Variants in GLS observed in about 807,000 individuals in gnomAD.
GLS encodes glutaminase, also known as glutaminase kidney isoform, mitochondrial.
Under a neutral mutation model 86.7 loss-of-function variants are expected in GLS, and 36 were observed. The observed-to-expected ratio is 0.42, with a 90% CI of 0.32 to 0.55. The LOEUF (loss-of-function observed/expected upper bound fraction) is 0.55. GLS is among the 20% of genes least tolerant of loss of function. The pLI, the probability that GLS is intolerant of heterozygous loss-of-function variation, is 0.17. For missense variants in GLS, 528 were observed against 833.4 expected (o/e 0.63, Z 4.51); for synonymous variants, 317 against 305.9 (o/e 1.04, Z -0.38).
intron 14 of GLS, chr2:190,934,358 G>C (rs1307233095): frequency 5.2e-6 from 5 of 960,726 alleles, no homozygotes; most frequent in Non-Finnish European, 2.5e-6. Context: ...AGAGGTGCTG[G>C]CCAAAAAGCC....
rs180996240 is a variant in GLS at position 190,962,049 on chromosome 2, C to A, written c.1854-781C>A. ...ACTACCCATCGTACCCTGTCATTGA[C>A]TAGGGCTGTGAGTTATGTAGTTCTG... On this transcript the variant is annotated intron_variant, in intron 17 of 17. Coordinates refer to ENST00000320717, the MANE Select transcript of GLS (RefSeq NM_014905.5). This position sits in a 1 kb window ranked among gnomAD's most constrained non-coding sequence, Gnocchi z 4.2. Among the ~76,000 whole-genome samples, 1 of 152,352 alleles carries A rather than the reference C, an allele frequency of 6.6e-6. No individual in the cohort carries two copies. Among genetic ancestry groups the A allele is most frequent in the African/African-American group, 2.4e-5 (1 of 41,590 alleles).
At position 190,962,717 on chromosome 2, in the gene GLS, TAA is replaced by T; in HGVS notation, c.1854-110_1854-109del. The T allele has an allele frequency of 1.8e-6, 1 of 550,908 alleles. No individual in the cohort carries two copies. Among genetic ancestry groups the T allele is most frequent in the Non-Finnish European group, 2.9e-6 (1 of 339,124 alleles). The allele number at this position is 550,908 out of a possible 1,614,324, so 34.1% of individuals were successfully genotyped here. A position where few individuals can be genotyped will look rare whatever the true frequency, so the allele number is the denominator to read the frequency against. ...TATTAATTTTTATTTGTAAAATTGCTAAAATAGCTAAATTTGGCCATTTAACC... is the reference window on the plus strand; with the variant it reads ...TATTAATTTTTATTTGTAAAATTGCTAATAGCTAAATTTGGCCATTTAACC... On this transcript the variant is annotated intron_variant, in intron 17 of 17. Coordinates refer to ENST00000320717, the MANE Select transcript of GLS (RefSeq NM_014905.5). This position sits in a 1 kb window ranked among gnomAD's most constrained non-coding sequence, Gnocchi z 4.2.
rs185646917 is a variant in GLS, at chr2:190,908,285, C to T, written c.980-1978C>T. ...ATTGGAAATCCTTTTTAATATTTTT[C>T]GTTCTTTAGTATATGTATTAGCAAA... On this transcript the variant is annotated intron_variant, in intron 6 of 17. Coordinates refer to ENST00000320717, the MANE Select transcript of GLS (RefSeq NM_014905.5). Among the ~76,000 whole-genome samples the T allele has an allele frequency of 4.9e-3, 749 of 152,124 alleles. 9 individuals are homozygous for T. Among genetic ancestry groups the T allele is most frequent in the African/African-American group, 0.017 (712 of 41,504 alleles).
chr2:190,935,211 C>G lies in GLS; in HGVS notation c.1650+3574C>G. The G allele has an allele frequency of 1.2e-6, 1 of 851,720 alleles. No individual in the cohort carries two copies. Among genetic ancestry groups the G allele is most frequent in the South Asian group, 5.4e-5 (1 of 18,556 alleles). 52.8% of individuals were successfully genotyped at this position (851,720 alleles called of 1,614,324 possible). On this transcript the variant is annotated intron_variant, in intron 14 of 17. Coordinates refer to ENST00000320717, the MANE Select transcript of GLS (RefSeq NM_014905.5). This position sits in a 1 kb window ranked among gnomAD's most constrained non-coding sequence, Gnocchi z 4.2. Reference sequence around the variant, plus strand: ...ATTTGTGTTGTTTAGCTTTCATTTGCTTTGTATATTTAATAATGTACCTTT... The same window carrying G: ...ATTTGTGTTGTTTAGCTTTCATTTGGTTTGTATATTTAATAATGTACCTTT...
chr2:190,886,917 A>C (rs1167471474), intron 1 of GLS, among the ~76,000 whole-genome samples: 1 of 1,186 alleles, frequency 8.4e-4, no homozygotes, highest in African/African-American at 1.7e-3. Flanking sequence ...CTCTTGTCTC[A>C]AAAAAAAAAA....
Position 190,949,130 on chromosome 2 carries a change from C to T in GLS, c.1651-4435C>T, listed in dbSNP as rs1004278412. The stretch of plus-strand genomic sequence containing the variant: ...CAAGACAAAAACAAGGGCAGTAAGA[C>T]CAATTTTGCTCTATTGAGGTTGAGA... On this transcript the variant is annotated intron_variant, in intron 14 of 17. Transcript: ENST00000320717. This position sits in a 1 kb window ranked among gnomAD's most constrained non-coding sequence, Gnocchi z 4.0. 1.1e-4 allele frequency among the ~76,000 whole-genome samples: 17 copies of T among 151,996 alleles called. No homozygotes were observed. The highest frequency in any genetic ancestry group is 3.9e-4 in the African/African-American group (16 of 41,366).
rs1367782263 is a variant in GLS at position 190,947,124 on chromosome 2, C to T, written c.1651-6441C>T. On this transcript the variant is annotated intron_variant, in intron 14 of 17. Coordinates refer to ENST00000320717, the MANE Select transcript of GLS (RefSeq NM_014905.5). This position sits in a 1 kb window ranked among gnomAD's most constrained non-coding sequence, Gnocchi z 5.0. ...ATAATTCTAATAATTGCTACTTACT[C>T]ATAAGTACAGAATTATTAGGGCATT... Among the ~76,000 whole-genome samples the T allele has an allele frequency of 1.3e-5, 2 of 152,144 alleles. No homozygotes were observed. Among genetic ancestry groups the T allele is most frequent in the Non-Finnish European group, 2.9e-5 (2 of 68,016 alleles).
rs1031114903 is a variant in GLS, at chr2:190,881,410, C to T, written c.326C>T (p.Pro109Leu). ...APAAPGPKDG[P>L]GETDAFGNSE... ...GCGGCGCCCGGCCCCAAGGACGGCCCCGGGGAGACGGACGCGTTTGGCAAC... is the reference window on the plus strand; with the variant it reads ...GCGGCGCCCGGCCCCAAGGACGGCCTCGGGGAGACGGACGCGTTTGGCAAC... The change falls in exon 1 of 18, where the codon CCC becomes CTC. Residue 109 changes from proline (P) to leucine (L), a missense_variant. Around this residue, in one of 4 missense-constraint regions of GLS, gnomAD observed 224 missense variants for 187.9 expected, o/e 1.19. Transcript: ENST00000320717. 6.5e-7 allele frequency: 1 copy of T among 1,544,814 alleles called. No individual in the cohort carries two copies. Among genetic ancestry groups the T allele is most frequent in the South Asian group, 1.2e-5 (1 of 83,890 alleles).
At chr2:190,926,143 G>GTA (rs1370842268) in intron 11 of GLS, among the ~76,000 whole-genome samples, 1 of 152,154 alleles carries the variant, frequency 6.6e-6, no homozygotes, top group African/African-American at 2.4e-5. Context: ...TAGCAGGAGA[G>GTA]TACCCGAGTT....
At chr2:190,960,544 T>TTTTTTA in intron 17 of GLS, among the ~76,000 whole-genome samples, 1 of 151,316 alleles carries the variant, frequency 6.6e-6, no homozygotes, top group South Asian at 2.1e-4. Flanking sequence ...TATTTATTTA[T>TTTTTTA]TTTTTATTTT....
chr2:190,913,212 G>A lies in GLS; in HGVS notation c.1038+2891G>A. 7.7e-7 allele frequency: 1 copy of A among 1,301,242 alleles called. No homozygotes were observed. The highest frequency in any genetic ancestry group is 1.0e-6 in the Non-Finnish European group (1 of 986,354). 80.6% of individuals were successfully genotyped at this position (1,301,242 alleles called of 1,614,324 possible). A position where few individuals can be genotyped will look rare whatever the true frequency, so the allele number is the denominator to read the frequency against. On this transcript the variant is annotated intron_variant, in intron 7 of 17. Transcript: ENST00000320717. The surrounding 1 kb of genome is among the most constrained non-coding windows in gnomAD (Gnocchi z 6.1). Reference sequence around the variant, plus strand: ...TTGTAGGATTGGTGGTGATCCTCAGGAAATGGGGGAAGAGGCAGAGCAAAT... The same window carrying A: ...TTGTAGGATTGGTGGTGATCCTCAGAAAATGGGGGAAGAGGCAGAGCAAAT...
At chr2:190,923,403 T>C (rs1300338740) in intron 9 of GLS, among the ~76,000 whole-genome samples, 1 of 152,200 alleles carries the variant, frequency 6.6e-6, no homozygotes, top group Admixed American at 6.5e-5. Context: ...CTATATACTT[T>C]TCTAACCCGT....
intron 14 of GLS, among the ~76,000 whole-genome samples, chr2:190,941,716 A>T (rs571460338): frequency 1.8e-5 from 1 of 54,188 alleles, no homozygotes; most frequent in African/African-American, 6.5e-5. Context: ...AGTTTAGCAC[A>T]TTTGAGAAGG....
chr2:190,918,215 G>T (rs1334814869), intron 7 of GLS, among the ~76,000 whole-genome samples: 1 of 152,140 alleles, frequency 6.6e-6, no homozygotes, highest in African/African-American at 2.4e-5. Flanking sequence ...ATAAAAGGCT[G>T]TTTCATCTAC....
chr2:190,885,435 C>T (rs547585484), intron 1 of GLS, among the ~76,000 whole-genome samples: 3 of 152,244 alleles, frequency 2.0e-5, no homozygotes, highest in African/African-American at 4.8e-5. Context: ...GATGATCTGC[C>T]CGCTGTGGCC....
intron 3 of GLS, among the ~76,000 whole-genome samples, chr2:190,899,337 TA>T (rs764410174): frequency 5.3e-5 from 8 of 152,132 alleles, no homozygotes; most frequent in African/African-American, 7.2e-5. Flanking sequence ...AATGTTGTAA[TA>T]GGGGGATCCT....
chr2:190,928,967 T>G (rs983960926), intron 12 of GLS, among the ~76,000 whole-genome samples: 1 of 148,486 alleles, frequency 6.7e-6, no homozygotes, highest in Non-Finnish European at 1.5e-5. Flanking sequence ...TTGGTATACT[T>G]CTTTTATTTT....
chr2:190,942,767 G>C (rs1211736285), intron 14 of GLS, among the ~76,000 whole-genome samples: 1 of 152,172 alleles, frequency 6.6e-6, no homozygotes, highest in East Asian at 1.9e-4. Flanking sequence ...TCAGGAGGTT[G>C]ATTGACAGTG....
In GLS at chr2:190,913,736, A is replaced by G. The variant is rs896150400; in HGVS notation, c.1038+3415A>G. ...TACTGCAAAATAATTGCCACACTTA[A>G]TGCTTTTTCATGTTAGAAATAGTAA... On this transcript the variant is annotated intron_variant, in intron 7 of 17. Transcript: ENST00000320717. This position sits in a 1 kb window ranked among gnomAD's most constrained non-coding sequence, Gnocchi z 6.1. 1 of 976,114 alleles carries G rather than the reference A, an allele frequency of 1.0e-6. No individual in the cohort carries two copies. Among genetic ancestry groups the G allele is most frequent in the African/African-American group, 1.8e-5 (1 of 57,056 alleles). The allele number at this position is 976,114 out of a possible 1,614,324, so 60.5% of individuals were successfully genotyped here.
Sources: allele counts gnomAD v4.1 joint callset (sites outside exome capture counted in the v4.1 genomes callset), GRCh38; gene constraint gnomAD v4.1.1; regional missense constraint gnomAD v4.1.1; non-coding constraint Gnocchi (gnomAD v3.1); transcripts MANE v1.5; gene names NCBI Gene and HGNC (gene_info 2026-07-23, HGNC 2026-07-21).